PIK3R1: variants seen among roughly 807,000 people sequenced by gnomAD.
The protein encoded by PIK3R1 is phosphoinositide-3-kinase regulatory subunit 1, also known as phosphatidylinositol 3-kinase regulatory subunit alpha.
Under a neutral mutation model 98.0 loss-of-function variants are expected in PIK3R1, and 29 were observed. That is an observed-to-expected ratio of 0.30 (90% CI 0.22 to 0.40). PIK3R1 has a LOEUF of 0.40. Ranked by LOEUF, PIK3R1 falls within the 10% of genes least tolerant of loss-of-function variation. The pLI, the probability that PIK3R1 is intolerant of heterozygous loss-of-function variation, is 1.00. For missense variants in PIK3R1, 596 were observed against 872.7 expected (o/e 0.68, Z 3.99); for synonymous variants, 282 against 311.8 (o/e 0.90, Z 1.01).
intron 4 of PIK3R1, among the ~76,000 whole-genome samples, chr5:68,276,125 A>T (rs251408): frequency 5.9e-5 from 9 of 152,020 alleles, no homozygotes; most frequent in Non-Finnish European, 1.2e-4. Flanking sequence ...TCTTTGTCTC[A>T]TGCAAGTTTT....
At chr5:68,292,666 T>C in intron 8 of PIK3R1, 1 of 1,315,908 alleles carries the variant, frequency 7.6e-7, no homozygotes, top group Non-Finnish European at 9.7e-7. Context: ...CTCTAAGAAT[T>C]CTTGCCTTAA....
intron 2 of PIK3R1, among the ~76,000 whole-genome samples, chr5:68,244,145 A>C (rs561958630): frequency 3.5e-4 from 53 of 152,346 alleles, no homozygotes; most frequent in African/African-American, 1.1e-3. Flanking sequence ...TTTATATATA[A>C]AAACCTTTTT....
intron 2 of PIK3R1, among the ~76,000 whole-genome samples, chr5:68,270,254 T>A (rs1036240207): frequency 1.3e-5 from 2 of 152,146 alleles, no homozygotes; most frequent in East Asian, 3.8e-4. Flanking sequence ...GAAAAAACAT[T>A]GAAAAGACAA....
chr5:68,283,431 C>T (rs1417208080), intron 7 of PIK3R1, among the ~76,000 whole-genome samples: 2 of 152,160 alleles, frequency 1.3e-5, no homozygotes, highest in Non-Finnish European at 2.9e-5. Context: ...TTTAGAAATG[C>T]AGCTGGTGAC....
At chr5:68,265,226 C>G (rs1746075788) in intron 2 of PIK3R1, among the ~76,000 whole-genome samples, 1 of 86,530 alleles carries the variant, frequency 1.2e-5, no homozygotes, top group Non-Finnish European at 2.5e-5. Context: ...GAACCACTGC[C>G]TCAAACTACT....
intron 2 of PIK3R1, among the ~76,000 whole-genome samples, chr5:68,240,893 A>G (rs1290339618): frequency 6.6e-6 from 1 of 152,174 alleles, no homozygotes; most frequent in Non-Finnish European, 1.5e-5. Flanking sequence ...ATACAAAACC[A>G]CTGTCACTCT....
intron 2 of PIK3R1, among the ~76,000 whole-genome samples, chr5:68,250,040 A>T (rs772937857): frequency 1.3e-5 from 2 of 152,196 alleles, no homozygotes; most frequent in African/African-American, 2.4e-5. Flanking sequence ...TAAAAACTTA[A>T]TGGAGGGAAG....
chr5:68,224,136 G>A (rs938791264), intron 1 of PIK3R1, among the ~76,000 whole-genome samples: 1 of 152,136 alleles, frequency 6.6e-6, no homozygotes, highest in African/African-American at 2.4e-5. Flanking sequence ...ATTATTCTTA[G>A]GCACATTGCC....
chr5:68,279,855 C>A, intron 5 of PIK3R1, 122 bp downstream of exon 5: 1 of 883,098 alleles, frequency 1.1e-6, no homozygotes, highest in Non-Finnish European at 1.7e-6. Context: ...GTCCCTCCCC[C>A]AACAATACCA....
rs1473743974 is a variant in PIK3R1, at chr5:68,262,605, A to ACATGTATACACATGTATCTG, written c.335-10769_335-10768insTCTGCATGTATACACATGTA. On this transcript the variant is annotated intron_variant, in intron 2 of 15. Coordinates refer to ENST00000521381, the MANE Select transcript of PIK3R1 (RefSeq NM_181523.3). ...TATACACATGTATCTGCATGTATAC[A>ACATGTATACACATGTATCTG]CATGTATACACATGTAGATGCATGT... Among the ~76,000 whole-genome samples the ACATGTATACACATGTATCTG allele has an allele frequency of 1.9e-4, 24 of 124,786 alleles. No homozygotes were observed. In the East Asian group the frequency reaches 2.7e-3, roughly 14 times the overall value. The allele number at this position is 124,786 out of a possible 152,430, so 81.9% of individuals were successfully genotyped here.
At chr5:68,270,779 T>C (rs538128157) in intron 2 of PIK3R1, among the ~76,000 whole-genome samples, 19 of 152,302 alleles carry the variant, frequency 1.2e-4, no homozygotes, top group African/African-American at 4.6e-4. Context: ...GCTGACAGGA[T>C]GATATTTCAT....
chr5:68,257,831 T>C (rs1461531497), intron 2 of PIK3R1, among the ~76,000 whole-genome samples: 1 of 152,212 alleles, frequency 6.6e-6, no homozygotes, highest in Non-Finnish European at 1.5e-5. Flanking sequence ...ATCTTCTTGT[T>C]GCCTCTCCTG....
intron 1 of PIK3R1, among the ~76,000 whole-genome samples, chr5:68,219,922 C>T (rs139629257): frequency 1.5e-3 from 227 of 152,248 alleles, no homozygotes; most frequent in African/African-American, 5.4e-3. Context: ...CTTGTTTTCT[C>T]ATCTGTAAAA....
intron 2 of PIK3R1, among the ~76,000 whole-genome samples, chr5:68,250,672 G>A (rs372173524): frequency 6.6e-6 from 1 of 152,120 alleles, no homozygotes; most frequent in African/African-American, 2.4e-5. Context: ...GGGAAAATGT[G>A]TTCTGGATTT....
rs2112284374 is a variant in PIK3R1 at position 68,296,337 on chromosome 5, G to A, written c.1981G>A (p.Val661Ile). ...SSKQGCYACS[V>I]VVDGEVKHCV... ...TAAACAGGGCTGCTATGCCTGCTCT[G>A]TAGTGTATGTATCTCCAGCAAACTT... Residue 661 changes from valine (V) to isoleucine (I), a missense_variant, in exon 15 of 16, where the codon GTA becomes ATA. Physicochemically the swap from Val to Ile is conservative, Grantham distance 29. Transcript: ENST00000521381. 6.2e-7 allele frequency: 1 copy of A among 1,610,292 alleles called. No individual in the cohort carries two copies. The highest frequency in any genetic ancestry group is 1.1e-5 in the South Asian group (1 of 90,672).
At chr5:68,257,731 T>C (rs1428036214) in intron 2 of PIK3R1, among the ~76,000 whole-genome samples, 1 of 152,198 alleles carries the variant, frequency 6.6e-6, no homozygotes, top group African/African-American at 2.4e-5. Context: ...CCTCTCCTCA[T>C]TGCCTTTTTC....
chr5:68,294,951 A>G (rs1218814358), intron 12 of PIK3R1, among the ~76,000 whole-genome samples, 197 bp from the exon 13 acceptor site: 1 of 147,828 alleles, frequency 6.8e-6, no homozygotes, highest in Non-Finnish European at 1.5e-5. Context: ...CCTAAAACTT[A>G]AAGTATAATA....
chr5:68,301,586 TAA>T lies in PIK3R1; in HGVS notation c.*3989_*3990del. 1 of 160,232 alleles carries T rather than the reference TAA, an allele frequency of 6.2e-6. No homozygotes were observed. The highest frequency in any genetic ancestry group is 2.5e-5 in the African/African-American group (1 of 40,772). The allele number at this position is 160,232 out of a possible 1,614,324, so 9.9% of individuals were successfully genotyped here. A position where few individuals can be genotyped will look rare whatever the true frequency, so the allele number is the denominator to read the frequency against. ...AAAGCTACAATCTGTTCAATGTTTT[TAA>T]AAATCTGTTTATATGACATTGTTAA... is the stretch of plus-strand genomic sequence containing the variant. On this transcript the variant is annotated 3_prime_UTR_variant, in exon 16 of 16. Coordinates refer to ENST00000521381, the MANE Select transcript of PIK3R1 (RefSeq NM_181523.3).
At chr5:68,253,022 G>T (rs1745377610) in intron 2 of PIK3R1, among the ~76,000 whole-genome samples, 1 of 151,890 alleles carries the variant, frequency 6.6e-6, no homozygotes, top group Non-Finnish European at 1.5e-5. Flanking sequence ...GGTAATTCAG[G>T]GCAAGTGTGC....
Sources: gnomAD v4.1 joint callset for allele counts (sites outside exome capture counted in the v4.1 genomes callset) on GRCh38, gnomAD v4.1.1 for gene constraint, MANE v1.5 for transcripts, NCBI Gene and HGNC (gene_info 2026-07-23, HGNC 2026-07-21) for gene names.